The following EVA1C variants were observed in gnomAD, a reference collection of about 807,000 sequenced individuals.
EVA1C encodes protein eva-1 homolog C.
EVA1C carries 25 observed loss-of-function variants against 45.4 expected under a neutral mutation model. The ratio of observed to expected loss-of-function variants is 0.55; its 90% CI spans 0.40 to 0.77. EVA1C has a LOEUF of 0.77. Ranked by LOEUF, EVA1C falls within the 30% of genes least tolerant of loss-of-function variation. The probability of loss-of-function intolerance (pLI) is 0.00; values close to 1 mark genes in which losing one functional copy is unlikely to be tolerated. For missense variants in EVA1C, 479 were observed against 554.8 expected, an observed-to-expected ratio of 0.86 and a Z score of 1.37; for synonymous variants, 190 against 221.2, an observed-to-expected ratio of 0.86 and a Z score of 1.25.
At chr21:32,497,803 G>A (rs796959092) in intron 5 of EVA1C, among the ~76,000 whole-genome samples, 3 of 152,260 alleles carry the variant, frequency 2.0e-5, no homozygotes, top group South Asian at 2.1e-4. Context: ...CATCTTATGC[G>A]GATGGCGGCA....
chr21:32,427,873 AAAAAG>A (rs1376610170), intron 1 of EVA1C, among the ~76,000 whole-genome samples: 2 of 151,754 alleles, frequency 1.3e-5, no homozygotes, highest in Non-Finnish European at 2.9e-5. Flanking sequence ...AAAAAAAAAA[AAAAAG>A]AAAGGCAGGA....
At chr21:32,481,646 TCTCA>T (rs2036793063) in intron 4 of EVA1C, among the ~76,000 whole-genome samples, 1 of 152,134 alleles carries the variant, frequency 6.6e-6, no homozygotes, top group African/African-American at 2.4e-5. Flanking sequence ...CCTCTAAGAC[TCTCA>T]CTGTTCAAAA....
intron 3 of EVA1C, among the ~76,000 whole-genome samples, chr21:32,466,342 C>T (rs1365006034): frequency 1.3e-5 from 2 of 151,156 alleles, no homozygotes; most frequent in Admixed American, 1.3e-4. Context: ...TGGCATGAAC[C>T]TGGGAGGCAG....
At chr21:32,443,081 A>G (rs920696110) in intron 1 of EVA1C, among the ~76,000 whole-genome samples, 1 of 151,874 alleles carries the variant, frequency 6.6e-6, no homozygotes, top group African/African-American at 2.4e-5. Flanking sequence ...CAGCAGTGAC[A>G]TGTCTGGACT....
chr21:32,459,644 C>G (rs2035922735), intron 3 of EVA1C, among the ~76,000 whole-genome samples: 1 of 151,836 alleles, frequency 6.6e-6, no homozygotes, highest in Non-Finnish European at 1.5e-5. Context: ...GTGTTTGAGA[C>G]CAGCCTGACC....
chr21:32,514,738 C>A, intron 7 of EVA1C, 76 bp from the exon 8 acceptor site: 10 of 1,463,976 alleles, frequency 6.8e-6, no homozygotes, highest in Non-Finnish European at 9.1e-6. Context: ...GGGCAGACAT[C>A]TGTTTCTGTG....
At chr21:32,447,795 T>C (rs2035419213) in intron 1 of EVA1C, among the ~76,000 whole-genome samples, 1 of 152,156 alleles carries the variant, frequency 6.6e-6, no homozygotes, top group Non-Finnish European at 1.5e-5. Flanking sequence ...AACCTCTACC[T>C]CCCAGATTCA....
chr21:32,510,043 CTTTTTTTTTTT>C (rs58017017), intron 7 of EVA1C, among the ~76,000 whole-genome samples: 1 of 114,522 alleles, frequency 8.7e-6, no homozygotes, highest in Non-Finnish European at 1.7e-5. Context: ...TCCGACATTC[CTTTTTTTTTTT>C]TTTTTTTTTT....
chr21:32,435,157 C>T (rs567927875), intron 1 of EVA1C, among the ~76,000 whole-genome samples: 388 of 152,220 alleles, frequency 2.5e-3, no homozygotes, highest in African/African-American at 8.5e-3. Context: ...CCCTTCCTCT[C>T]CATCTCCTTT....
chr21:32,477,146 T>A (rs1253281044), intron 4 of EVA1C, among the ~76,000 whole-genome samples: 1 of 152,126 alleles, frequency 6.6e-6, no homozygotes, highest in Non-Finnish European at 1.5e-5. Flanking sequence ...CCAGCAAGTC[T>A]GTGTCCACTC....
chr21:32,412,848 C>G lies in EVA1C; in HGVS notation c.-6C>G. Reference sequence around the variant, plus strand: ...CCTGCGCCTCCGCCCCGCCGCGCAGCGCACGATGCTTCTGCCGGGACGCGC... The same window carrying G: ...CCTGCGCCTCCGCCCCGCCGCGCAGGGCACGATGCTTCTGCCGGGACGCGC... On this transcript the variant is annotated 5_prime_UTR_variant, in exon 1 of 8. Transcript: ENST00000300255. The G allele has an allele frequency of 6.8e-7, 1 of 1,468,450 alleles. No homozygotes were observed. The highest frequency in any genetic ancestry group is 2.9e-5 in the East Asian group (1 of 34,618). 91.0% of individuals were successfully genotyped at this position (1,468,450 alleles called of 1,614,324 possible). A position where few individuals can be genotyped will look rare whatever the true frequency, so the allele number is the denominator to read the frequency against.
chr21:32,459,067 G>C (rs1274501771), intron 3 of EVA1C, among the ~76,000 whole-genome samples: 3 of 151,966 alleles, frequency 2.0e-5, no homozygotes, highest in Non-Finnish European at 4.4e-5. Flanking sequence ...CACAGCACAC[G>C]CAAAGGCACT....
intron 1 of EVA1C, among the ~76,000 whole-genome samples, chr21:32,441,110 A>AG (rs2035159031): frequency 6.6e-6 from 1 of 152,216 alleles, no homozygotes. Context: ...CTCAAAAAAA[A>AG]GAACTCTTCA....
intron 1 of EVA1C, among the ~76,000 whole-genome samples, chr21:32,444,847 T>C (rs1163623461): frequency 6.6e-6 from 1 of 152,192 alleles, no homozygotes; most frequent in Non-Finnish European, 1.5e-5. Flanking sequence ...CTTTGGAGAT[T>C]CTAAGGGTTT....
At chr21:32,511,419 CAAAAAAAAAA>C (rs749141703) in intron 7 of EVA1C, among the ~76,000 whole-genome samples, 2 of 47,602 alleles carry the variant, frequency 4.2e-5, no homozygotes, top group East Asian at 1.3e-3. Context: ...AACTCCGTCT[CAAAAAAAAAA>C]AAAAAAAAAA....
intron 7 of EVA1C, among the ~76,000 whole-genome samples, chr21:32,513,186 TA>T (rs113571542): frequency 0.053 from 7,965 of 149,304 alleles, 245 homozygotes; most frequent in South Asian, 0.077. Context: ...TTTATTTATT[TA>T]TTTTTTTGAG....
At chr21:32,436,565 C>T (rs2034960534) in intron 1 of EVA1C, among the ~76,000 whole-genome samples, 1 of 152,288 alleles carries the variant, frequency 6.6e-6, no homozygotes, top group South Asian at 2.1e-4. Flanking sequence ...GAGAGAGTTC[C>T]TTGTTTGTTC....
chr21:32,499,634 G>T (rs2037465830), intron 5 of EVA1C, among the ~76,000 whole-genome samples: 1 of 152,228 alleles, frequency 6.6e-6, no homozygotes, highest in South Asian at 2.1e-4. Context: ...TGCCTCACTT[G>T]TTCTTTTATA....
At chr21:32,475,463 CTTTTTTTT>C (rs775162227) in intron 4 of EVA1C, among the ~76,000 whole-genome samples, 2 of 127,240 alleles carry the variant, frequency 1.6e-5, no homozygotes, top group African/African-American at 5.8e-5. Context: ...AAAGTTCTTA[CTTTTTTTT>C]TTTTTTTTTT....
Sources: allele counts gnomAD v4.1 joint callset (sites outside exome capture counted in the v4.1 genomes callset), GRCh38; gene constraint gnomAD v4.1.1; transcripts MANE v1.5; gene names NCBI Gene and HGNC (gene_info 2026-07-23, HGNC 2026-07-21).